The following KCNH8 variants were observed in gnomAD, a reference collection of about 807,000 sequenced individuals.
KCNH8 encodes the protein voltage-gated delayed rectifier potassium channel KCNH8.
A neutral mutation model predicts 103.6 loss-of-function variants in KCNH8; 70 were observed. The ratio of observed to expected loss-of-function variants is 0.68; its 90% CI spans 0.56 to 0.82. The LOEUF (loss-of-function observed/expected upper bound fraction) is 0.82. Among genes scored for constraint, KCNH8 ranks in the 40% least tolerant of loss-of-function variants. The probability of loss-of-function intolerance (pLI) is 0.00; values close to 1 mark genes in which losing one functional copy is unlikely to be tolerated. For synonymous variants in KCNH8, 498 were observed against 489.4 expected (o/e 1.02, Z -0.23); for missense variants, 1,217 against 1,329.9 (o/e 0.92, Z 1.32).
At chr3:19,525,280 A>G (rs1333764439) in intron 15 of KCNH8, among the ~76,000 whole-genome samples, 1 of 151,966 alleles carries the variant, frequency 6.6e-6, no homozygotes, top group Non-Finnish European at 1.5e-5. Flanking sequence ...AACATGAACT[A>G]GCAGCACTGG....
chr3:19,161,705 A>C (rs2063236070), intron 1 of KCNH8, among the ~76,000 whole-genome samples: 1 of 152,192 alleles, frequency 6.6e-6, no homozygotes, highest in Admixed American at 6.5e-5. Context: ...GTGACAAAGC[A>C]ATTGTAAATT....
chr3:19,390,648 G>C lies in KCNH8; in HGVS notation c.969+10G>C. 5 of 1,607,482 alleles carry C rather than the reference G, an allele frequency of 3.1e-6. 1 individual carries two copies. In the Middle Eastern group the frequency reaches 5.0e-4, roughly 160 times the overall value. ...TTTCAACGTCACAGTGGTGAGTAAAGAGCTCCCCGCCACATGGCCTTTAAG... is the reference window on the plus strand; with the variant it reads ...TTTCAACGTCACAGTGGTGAGTAAACAGCTCCCCGCCACATGGCCTTTAAG... On this transcript the variant is annotated intron_variant, in intron 6 of 15. Transcript: ENST00000328405.
intron 1 of KCNH8, among the ~76,000 whole-genome samples, chr3:19,177,448 A>C (rs991847830): frequency 6.6e-6 from 1 of 152,042 alleles, no homozygotes; most frequent in African/African-American, 2.4e-5. Context: ...ATTATTTTCT[A>C]TTATGTTCTA....
intron 6 of KCNH8, chr3:19,391,889 A>G (rs2066442777): frequency 6.6e-6 from 1 of 151,984 alleles, no homozygotes; most frequent in East Asian, 1.9e-4. Context: ...ATGTTTTTGC[A>G]AGACTGCAGA....
At chr3:19,464,390 C>T (rs527706460) in intron 11 of KCNH8, among the ~76,000 whole-genome samples, 1 of 152,038 alleles carries the variant, frequency 6.6e-6, no homozygotes, top group Non-Finnish European at 1.5e-5. Context: ...AAACTCAATT[C>T]CAGATGGATT....
chr3:19,171,298 T>C (rs1042383739), intron 1 of KCNH8, among the ~76,000 whole-genome samples: 14 of 152,318 alleles, frequency 9.2e-5, no homozygotes, highest in South Asian at 4.1e-4. Flanking sequence ...TTTTCTACTT[T>C]CTGAAAAACG....
At chr3:19,479,070 T>C (rs183617055) in intron 11 of KCNH8, among the ~76,000 whole-genome samples, 9 of 152,302 alleles carry the variant, frequency 5.9e-5, no homozygotes, top group Non-Finnish European at 1.0e-4. Context: ...AGCTAATAAT[T>C]GGCAGGACTA....
At position 19,505,390 on chromosome 3, in the gene KCNH8, C is replaced by T. The variant is rs143747252; in HGVS notation, c.2041-4973C>T. On this transcript the variant is annotated intron_variant, in intron 11 of 15. Transcript: ENST00000328405. ...ATGGGGAATGAAATAATCTGTACAT[C>T]AAACCCCCGTGACACAAGTTTACCT... Among the ~76,000 whole-genome samples, 673 of 152,190 alleles carry T rather than the reference C, an allele frequency of 4.4e-3. 4 individuals are homozygous for T. The highest frequency in any genetic ancestry group is 0.02 in the South Asian group (95 of 4,822).
intron 3 of KCNH8, among the ~76,000 whole-genome samples, chr3:19,328,616 C>T (rs2125308539): frequency 6.6e-6 from 1 of 151,992 alleles, no homozygotes; most frequent in African/African-American, 2.4e-5. Flanking sequence ...TTCATAAATT[C>T]TGTGGAAAAA....
intron 15 of KCNH8, among the ~76,000 whole-genome samples, chr3:19,527,998 T>C (rs1052214983): frequency 3.3e-5 from 5 of 151,898 alleles, no homozygotes; most frequent in African/African-American, 1.2e-4. Context: ...ATGTGAACAA[T>C]TGGTTATGCA....
intron 1 of KCNH8, among the ~76,000 whole-genome samples, chr3:19,192,474 A>AGATAGTC (rs1275273540): frequency 6.6e-6 from 1 of 151,690 alleles, no homozygotes; most frequent in East Asian, 1.9e-4. Context: ...TATCTGATTG[A>AGATAGTC]GATAGTCTTA....
At chr3:19,284,608 T>C (rs1376044284) in intron 3 of KCNH8, among the ~76,000 whole-genome samples, 1 of 151,694 alleles carries the variant, frequency 6.6e-6, no homozygotes, top group Non-Finnish European at 1.5e-5. Context: ...CTGATGGTTC[T>C]TACCACCTTT....
At chr3:19,427,048 C>T (rs2067039123) in intron 7 of KCNH8, among the ~76,000 whole-genome samples, 1 of 152,012 alleles carries the variant, frequency 6.6e-6, no homozygotes, top group Non-Finnish European at 1.5e-5. Flanking sequence ...ATGGACATGG[C>T]CAGGAACAGA....
intron 1 of KCNH8, among the ~76,000 whole-genome samples, chr3:19,229,048 G>T (rs2063964364): frequency 1.3e-5 from 2 of 152,164 alleles, no homozygotes; most frequent in Non-Finnish European, 2.9e-5. Flanking sequence ...TACTCATCCA[G>T]CTGGACAATG....
intron 1 of KCNH8, among the ~76,000 whole-genome samples, chr3:19,240,784 A>T (rs574171627): frequency 1.3e-5 from 2 of 152,160 alleles, no homozygotes; most frequent in African/African-American, 4.8e-5. Flanking sequence ...CTGCCTTTCT[A>T]GTTATTAAGG....
intron 1 of KCNH8, among the ~76,000 whole-genome samples, chr3:19,248,687 G>A (rs757309034): frequency 9.2e-5 from 14 of 152,174 alleles, no homozygotes; most frequent in South Asian, 2.1e-4. Flanking sequence ...AGTTCTCTAG[G>A]TCTGTGTTCT....
At chr3:19,179,437 A>T (rs1206539154) in intron 1 of KCNH8, among the ~76,000 whole-genome samples, 1 of 152,186 alleles carries the variant, frequency 6.6e-6, no homozygotes, top group Non-Finnish European at 1.5e-5. Context: ...TCTCTCCAAG[A>T]TGAATGTTAA....
chr3:19,321,907 G>A (rs1053843521), intron 3 of KCNH8, among the ~76,000 whole-genome samples: 3 of 151,968 alleles, frequency 2.0e-5, no homozygotes, highest in African/African-American at 7.2e-5. Context: ...TTTCCTATTG[G>A]ATCGGTCCTT....
intron 7 of KCNH8, among the ~76,000 whole-genome samples, chr3:19,429,831 T>C (rs2067093167): frequency 6.6e-6 from 1 of 152,180 alleles, no homozygotes; most frequent in Non-Finnish European, 1.5e-5. Context: ...TTGGTTTTCT[T>C]TTCCTGCGTT....
Sources: gnomAD v4.1 joint callset for allele counts (sites outside exome capture counted in the v4.1 genomes callset) on GRCh38, gnomAD v4.1.1 for gene constraint, MANE v1.5 for transcripts, NCBI Gene and HGNC (gene_info 2026-07-23, HGNC 2026-07-21) for gene names.